MAPK9: variants seen among roughly 807,000 people sequenced by gnomAD.
MAPK9 encodes the protein mitogen-activated protein kinase 9.
In MAPK9, 30 loss-of-function variants were observed where a neutral mutation model predicts 57.1. The observed-to-expected ratio is 0.53, with a 90% confidence interval of 0.39 to 0.71. The LOEUF (loss-of-function observed/expected upper bound fraction) is 0.71, where lower values mean the gene tolerates loss of function less well. Among genes scored for constraint, MAPK9 ranks in the 30% least tolerant of loss-of-function variants. MAPK9 has a pLI of 0.00. For missense variants in MAPK9, 362 were observed against 521.0 expected (o/e 0.69, Z 2.97); for synonymous variants, 155 against 177.0 (o/e 0.88, Z 0.99).
chr5:180,235,582 A>G lies in MAPK9; in HGVS notation c.*802T>C, dbSNP rs1026262870. ...TTCTAGGTAGCATTTTAAATTCATA[A>G]GAAGTCTAGAAGACCAAGAAGAAAA... is the stretch of plus-strand genomic sequence containing the variant. On this transcript the variant is annotated 3_prime_UTR_variant, in exon 12 of 12. Transcript: ENST00000452135. The G allele has an allele frequency of 6.6e-6, 1 of 152,238 alleles. No individual in the cohort carries two copies. The highest frequency in any genetic ancestry group is 1.9e-4 in the East Asian group (1 of 5,190). 9.4% of individuals were successfully genotyped at this position (152,238 alleles called of 1,614,324 possible).
At chr5:180,249,337 A>AC (rs1758437404) in intron 5 of MAPK9, among the ~76,000 whole-genome samples, 199 bp from the exon 6 acceptor site, 2 of 151,702 alleles carry the variant, frequency 1.3e-5, no homozygotes, top group South Asian at 4.2e-4. Flanking sequence ...GGTGCCCCTT[A>AC]CCCCCAGTGG....
Position 180,247,442 on chromosome 5 carries a change from C to G in MAPK9, c.685G>C (p.Asp229His). The change falls in exon 7 of 12, where the codon GAC becomes CAC. Residue 229 changes from aspartate to histidine, a missense_variant. By Grantham distance (81) the Asp-to-His change is moderately conservative. Coordinates refer to ENST00000452135, the MANE Select transcript of MAPK9 (RefSeq NM_002752.5). This position sits in a 1 kb window ranked among gnomAD's most constrained non-coding sequence, Gnocchi z 4.5. ...CCAAGGTCGCGGGGAAGGATACGGT[C>G]AGTGCCTTGGAATATCACACAACCT... ...VKGCVIFQGT[D>H]HIDQWNKVIE... 1 of 1,614,174 alleles carries G rather than the reference C, an allele frequency of 6.2e-7. No homozygotes were observed. The highest frequency in any genetic ancestry group is 8.5e-7 in the Non-Finnish European group (1 of 1,180,046).
At chr5:180,284,988 C>T (rs1762614922) in intron 1 of MAPK9, among the ~76,000 whole-genome samples, 1 of 152,180 alleles carries the variant, frequency 6.6e-6, no homozygotes, top group African/African-American at 2.4e-5. Flanking sequence ...CCCATTATAA[C>T]TTTCTATTCT....
At position 180,245,805 on chromosome 5, in the gene MAPK9, C is replaced by G. The variant is rs1758041220; in HGVS notation, c.688+1634G>C. On this transcript the variant is annotated intron_variant, in intron 7 of 11. Transcript: ENST00000452135. ...TCTTTCTCATAGACCACCGCAGGGA[C>G]AGGAGTTCCTTTTCTACCCTGGGTC... Among the ~76,000 whole-genome samples the G allele has an allele frequency of 2.0e-5, 3 of 152,296 alleles. No individual in the cohort carries two copies. The South Asian group carries it at 6.2e-4, about 32-fold the overall frequency.
At chr5:180,266,531 G>T (rs1018688284) in intron 3 of MAPK9, among the ~76,000 whole-genome samples, 1 of 151,848 alleles carries the variant, frequency 6.6e-6, no homozygotes, top group Non-Finnish European at 1.5e-5. Context: ...GCCAACCAAC[G>T]TGGTCTTAAA....
intron 8 of MAPK9, among the ~76,000 whole-genome samples, chr5:180,242,348 G>C (rs958627062): frequency 1.1e-4 from 17 of 152,160 alleles, no homozygotes; most frequent in Admixed American, 9.2e-4. Flanking sequence ...CTTTCAGACT[G>C]ATTTGATTAT....
intron 11 of MAPK9, 92 bp from the exon 12 acceptor site, chr5:180,236,618 C>A: frequency 7.2e-7 from 1 of 1,393,622 alleles, no homozygotes; most frequent in East Asian, 2.4e-5. Context: ...TCGGCTCTGT[C>A]CTTTTGCAGT....
chr5:180,234,207 A>G lies in MAPK9; in HGVS notation c.*2177T>C, dbSNP rs1170064367. ...TTACAAAAATAAAATAGAAAAGATG[A>G]AACAGTTGAGCACATTTTTCAGTTC... On this transcript the variant is annotated 3_prime_UTR_variant, in exon 12 of 12. Coordinates refer to ENST00000452135, the MANE Select transcript of MAPK9 (RefSeq NM_002752.5). The G allele has an allele frequency of 1.3e-5, 2 of 152,246 alleles. No homozygotes were observed. The highest frequency in any genetic ancestry group is 1.3e-4 in the Admixed American group (2 of 15,282). The allele number at this position is 152,246 out of a possible 1,614,324, so 9.4% of individuals were successfully genotyped here. A position where few individuals can be genotyped will look rare whatever the true frequency, so the allele number is the denominator to read the frequency against.
chr5:180,283,039 C>T (rs148950071), intron 1 of MAPK9, among the ~76,000 whole-genome samples: 1,842 of 152,276 alleles, frequency 0.012, 18 homozygotes, highest in Non-Finnish European at 0.02. Context: ...GCAGAGCCGT[C>T]TGGCCTCAGT....
At chr5:180,280,357 A>G (rs1256215546) in intron 2 of MAPK9, 83 bp downstream of exon 2, 68 of 1,533,364 alleles carry the variant, frequency 4.4e-5, no homozygotes, top group Non-Finnish European at 5.9e-5. Context: ...TTAATCATCA[A>G]TGTTTCTAAA....
intron 3 of MAPK9, among the ~76,000 whole-genome samples, chr5:180,265,384 T>C (rs1182430391): frequency 9.9e-5 from 15 of 152,248 alleles, no homozygotes; most frequent in African/African-American, 3.1e-4. Flanking sequence ...CCCACGTGTC[T>C]AGGGAGAGAC....
intron 1 of MAPK9, among the ~76,000 whole-genome samples, chr5:180,289,042 C>G (rs1257828303): frequency 2.0e-5 from 3 of 152,160 alleles, no homozygotes; most frequent in African/African-American, 7.2e-5. Flanking sequence ...CCTTCCTAAC[C>G]AAGTGTGAGG....
At chr5:180,270,865 A>AG (rs1761215525) in intron 2 of MAPK9, among the ~76,000 whole-genome samples, 1 of 144,298 alleles carries the variant, frequency 6.9e-6, no homozygotes, top group South Asian at 2.1e-4. Context: ...TCTCAAAAAA[A>AG]AAAAAAAAGA....
chr5:180,246,249 C>T (rs779667917), intron 7 of MAPK9: 9 of 152,038 alleles, frequency 5.9e-5, no homozygotes, highest in African/African-American at 1.9e-4. Flanking sequence ...AAAATAAAGA[C>T]GTCCTTATTT....
chr5:180,265,604 G>A (rs1467731901), intron 3 of MAPK9, among the ~76,000 whole-genome samples: 1 of 152,188 alleles, frequency 6.6e-6, no homozygotes, highest in African/African-American at 2.4e-5. Flanking sequence ...CCCACATCAT[G>A]CGCAACTATG....
intron 7 of MAPK9, chr5:180,246,414 A>C (rs1758104958): frequency 6.6e-6 from 1 of 152,220 alleles, no homozygotes; most frequent in Admixed American, 6.5e-5. Context: ...TTTTCACTTT[A>C]AGTTTGCACT....
chr5:180,290,801 C>G (rs761245516), intron 1 of MAPK9, among the ~76,000 whole-genome samples: 47 of 152,342 alleles, frequency 3.1e-4, no homozygotes, highest in Middle Eastern at 3.4e-3. Flanking sequence ...TTCATTCATT[C>G]ATTGAGCTGA....
intron 5 of MAPK9, among the ~76,000 whole-genome samples, chr5:180,249,635 T>C (rs1758470261): frequency 6.6e-6 from 1 of 152,248 alleles, no homozygotes; most frequent in Non-Finnish European, 1.5e-5. Context: ...AGGGCAGTGC[T>C]GTCCCACAGA....
At chr5:180,271,153 C>T (rs1450539792) in intron 2 of MAPK9, among the ~76,000 whole-genome samples, 1 of 152,120 alleles carries the variant, frequency 6.6e-6, no homozygotes, top group Non-Finnish European at 1.5e-5. Context: ...ATATGCTGGA[C>T]ATGATAAATA....
Sources: gnomAD v4.1 joint callset for allele counts (sites outside exome capture counted in the v4.1 genomes callset) on GRCh38, gnomAD v4.1.1 for gene constraint, Gnocchi (gnomAD v3.1) non-coding constraint, MANE v1.5 for transcripts, NCBI Gene and HGNC (gene_info 2026-07-23, HGNC 2026-07-21) for gene names.